Variants in EHBP1 observed in about 807,000 individuals in gnomAD.
EHBP1 encodes the protein EH domain binding protein 1, also known as EH domain-binding protein 1.
A neutral mutation model predicts 144.0 loss-of-function variants in EHBP1; 55 were observed. That is an observed-to-expected ratio of 0.38 (90% CI 0.31 to 0.48). The LOEUF is 0.48. Ranked by LOEUF, EHBP1 falls within the 20% of genes least tolerant of loss-of-function variation. EHBP1 has a pLI of 0.98. For synonymous variants in EHBP1, 469 were observed against 472.7 expected (o/e 0.99, Z 0.10); for missense variants, 1,200 against 1,364.2 (o/e 0.88, Z 1.90).
At chr2:62,994,216 A>T in intron 18 of EHBP1, 1 of 262,262 alleles carries the variant, frequency 3.8e-6, no homozygotes. Flanking sequence ...AGACATTTCC[A>T]TCAGGGCACT....
intron 10 of EHBP1, among the ~76,000 whole-genome samples, chr2:62,929,411 G>A (rs1203818307): frequency 6.6e-6 from 1 of 152,104 alleles, no homozygotes; most frequent in Non-Finnish European, 1.5e-5. Flanking sequence ...TGGAGTGCAA[G>A]GATGATTAGA....
chr2:62,677,843 C>T (rs758974873), intron 1 of EHBP1, among the ~76,000 whole-genome samples: 1 of 152,198 alleles, frequency 6.6e-6, no homozygotes. Flanking sequence ...CTGAATAGTA[C>T]TCCACTGTGA....
At chr2:62,784,723 C>T (rs774868630) in intron 5 of EHBP1, among the ~76,000 whole-genome samples, 7 of 152,130 alleles carry the variant, frequency 4.6e-5, no homozygotes, top group Non-Finnish European at 8.8e-5. Context: ...GCTTTATACC[C>T]AAAGTGAGGA....
At chr2:62,823,683 T>C (rs545985409) in intron 5 of EHBP1, among the ~76,000 whole-genome samples, 1 of 152,126 alleles carries the variant, frequency 6.6e-6, no homozygotes, top group Non-Finnish European at 1.5e-5. Flanking sequence ...ATATTTTCCC[T>C]CATTACTATT....
intron 2 of EHBP1, among the ~76,000 whole-genome samples, chr2:62,721,002 G>A (rs1210865173): frequency 1.3e-5 from 2 of 149,358 alleles, no homozygotes; most frequent in Non-Finnish European, 3.0e-5. Flanking sequence ...TCAAAACTAA[G>A]ATTAATATTA....
intron 2 of EHBP1, among the ~76,000 whole-genome samples, chr2:62,715,907 T>C (rs1402189924): frequency 2.6e-5 from 4 of 152,206 alleles, no homozygotes; most frequent in African/African-American, 9.7e-5. Context: ...AACTAATCTT[T>C]ACCCTAGCTA....
intron 3 of EHBP1, among the ~76,000 whole-genome samples, chr2:62,754,842 C>T (rs893316585): frequency 6.6e-6 from 1 of 152,184 alleles, no homozygotes; most frequent in African/African-American, 2.4e-5. Context: ...TGGGAAAGCG[C>T]AGTATGAGGG....
intron 13 of EHBP1, among the ~76,000 whole-genome samples, chr2:62,950,843 AC>A (rs1433944429): frequency 6.6e-6 from 1 of 151,896 alleles, no homozygotes; most frequent in Non-Finnish European, 1.5e-5. Flanking sequence ...GTGCCACCAC[AC>A]CCGGCTAATT....
Position 62,847,294 on chromosome 2 carries a change from A to G in EHBP1, c.635-11875A>G, listed in dbSNP as rs1270190837. ...AACCTCAACCCCCACCTCTCCACAT[A>G]CATTAATTCAGTGTGTTCATTATAA... On this transcript the variant is annotated intron_variant, in intron 7 of 22. Transcript: ENST00000431489. Among the ~76,000 whole-genome samples, 6 of 152,322 alleles carry G rather than the reference A, an allele frequency of 3.9e-5. No individual in the cohort carries two copies. In the East Asian group the frequency reaches 1.2e-3, roughly 29 times the overall value.
intron 5 of EHBP1, among the ~76,000 whole-genome samples, chr2:62,792,146 C>A (rs549766526): frequency 1.7e-4 from 26 of 152,030 alleles, no homozygotes; most frequent in Non-Finnish European, 2.7e-4. Flanking sequence ...TCTGCATCTA[C>A]TTTTAAGGTA....
At chr2:62,867,131 C>CTTAT (rs2152821578) in intron 9 of EHBP1, among the ~76,000 whole-genome samples, 1 of 152,116 alleles carries the variant, frequency 6.6e-6, no homozygotes, top group East Asian at 1.9e-4. Flanking sequence ...AAATACTTGT[C>CTTAT]TTATTTTTAA....
chr2:62,817,229 A>C (rs946547390), intron 5 of EHBP1, among the ~76,000 whole-genome samples: 5 of 152,200 alleles, frequency 3.3e-5, no homozygotes, highest in Non-Finnish European at 5.9e-5. Context: ...GTAAAGGGGA[A>C]TATGAAATGT....
At chr2:62,992,832 G>A (rs2059466881) in intron 16 of EHBP1, among the ~76,000 whole-genome samples, 1 of 152,132 alleles carries the variant, frequency 6.6e-6, no homozygotes, top group Non-Finnish European at 1.5e-5. Flanking sequence ...TATTAGTCAT[G>A]CATCTTAGCC....
intron 1 of EHBP1, among the ~76,000 whole-genome samples, chr2:62,695,627 A>G (rs974136460): frequency 1.3e-5 from 2 of 152,252 alleles, no homozygotes; most frequent in Non-Finnish European, 2.9e-5. Context: ...GCTTTTAGAT[A>G]GCGAGAGAAC....
chr2:62,873,649 C>T (rs1003651529), intron 9 of EHBP1, among the ~76,000 whole-genome samples: 6 of 152,090 alleles, frequency 3.9e-5, no homozygotes, highest in African/African-American at 1.4e-4. Context: ...TAAATCCACA[C>T]CTAGACATGT....
intron 19 of EHBP1, among the ~76,000 whole-genome samples, chr2:62,998,473 T>C (rs1435984664): frequency 6.6e-6 from 1 of 152,196 alleles, no homozygotes; most frequent in African/African-American, 2.4e-5. Flanking sequence ...TCCAAACAAA[T>C]GGAACTTAAC....
chr2:63,036,937 A>AT (rs1265271441), intron 19 of EHBP1, among the ~76,000 whole-genome samples: 13 of 149,880 alleles, frequency 8.7e-5, no homozygotes, highest in South Asian at 6.3e-4. Flanking sequence ...TGTTCATTAA[A>AT]TTTTTTTTTT....
At position 62,787,147 on chromosome 2, in the gene EHBP1, A is replaced by G. The variant is rs192962841; in HGVS notation, c.312+15755A>G. On this transcript the variant is annotated intron_variant, in intron 5 of 22. Transcript: ENST00000431489. ...TGCTTATTTTCAGAAATAAGCTCCTATCAGTATAGTCATGATTTTTGACTG... is the reference window on the plus strand; with the variant it reads ...TGCTTATTTTCAGAAATAAGCTCCTGTCAGTATAGTCATGATTTTTGACTG... 2.6e-5 allele frequency among the ~76,000 whole-genome samples: 4 copies of G among 152,252 alleles called. No individual in the cohort carries two copies. The East Asian group carries it at 7.7e-4, about 29-fold the overall frequency.
chr2:62,926,369 CAAAGA>C (rs916769195), intron 10 of EHBP1, among the ~76,000 whole-genome samples: 20 of 151,954 alleles, frequency 1.3e-4, no homozygotes, highest in African/African-American at 4.8e-4. Context: ...TTCTGCACAG[CAAAGA>C]AAACAGCAGA....
Sources: gnomAD v4.1 joint callset for allele counts (sites outside exome capture counted in the v4.1 genomes callset) on GRCh38, gnomAD v4.1.1 for gene constraint, MANE v1.5 for transcripts, NCBI Gene and HGNC (gene_info 2026-07-23, HGNC 2026-07-21) for gene names.